Variants in CHRNE observed in about 807,000 individuals in gnomAD.
CHRNE encodes the protein acetylcholine receptor subunit epsilon.
CHRNE carries 58 observed loss-of-function variants against 56.5 expected under a neutral mutation model. The ratio of observed to expected loss-of-function variants is 1.03; its 90% confidence interval spans 0.83 to 1.28. CHRNE has a LOEUF of 1.28. Among genes scored for constraint, CHRNE ranks in the 50% most tolerant of loss-of-function variants. The probability of loss-of-function intolerance (pLI) is 0.00; values close to 1 mark genes in which losing one functional copy is unlikely to be tolerated. For missense variants in CHRNE, 793 were observed against 688.9 expected (o/e 1.15, Z -1.69); for synonymous variants, 385 against 297.9 (o/e 1.29, Z -3.01).
At position 4,901,202 on chromosome 17, in the gene CHRNE, G is replaced by A. The variant is rs767412498; in HGVS notation, c.602-12C>T. ...CCACTCGCCGTTCTCTGCGGGACGG[G>A]GGCACGGTCAGCTGGCTGTCAGAGC... On this transcript the variant is annotated splice_polypyrimidine_tract_variant and intron_variant, in intron 6 of 11. Transcript: ENST00000649488. 5 of 1,599,278 alleles carry A rather than the reference G, an allele frequency of 3.1e-6. No individual in the cohort carries two copies. The highest frequency in any genetic ancestry group is 1.7e-4 in the Middle Eastern group (1 of 6,052).
intron 9 of CHRNE, 21 bp from the exon 10 acceptor site, chr17:4,899,405 A>AG (rs34440658): frequency 6.5e-7 from 1 of 1,538,198 alleles, no homozygotes; most frequent in South Asian, 1.2e-5. Context: ...GGCGGGGCTT[A>AG]GGGGACGAGG....
chr17:4,902,543 G>A lies in CHRNE; in HGVS notation c.190-49C>T. ...TTGAAGTGAGATTTCAGGGCCAGAA[G>A]TGAGCTTTAGGACAGAGCTCAGCGG... On this transcript the variant is annotated intron_variant, in intron 2 of 11. Coordinates refer to ENST00000649488, the MANE Select transcript of CHRNE (RefSeq NM_000080.4). This position sits in a 1 kb window ranked among gnomAD's most constrained non-coding sequence, Gnocchi z 4.0. The A allele has an allele frequency of 6.2e-7, 1 of 1,614,078 alleles. No homozygotes were observed. Among genetic ancestry groups the A allele is most frequent in the African/African-American group, 1.3e-5 (1 of 75,056 alleles).
In CHRNE at chr17:4,898,848, ATGT is replaced by A. The variant is rs748289906; in HGVS notation, c.1367_1369del (p.Asn456del). 4 of 1,593,622 alleles carry A rather than the reference ATGT, an allele frequency of 2.5e-6. No individual in the cohort carries two copies. The highest frequency in any genetic ancestry group is 1.1e-5 in the South Asian group (1 of 88,030). ...GAGCACCAGAGCGGCCCAGAAGCAG[ATGT>A]TGTCAAGGGCATTCCCCATGCGCAC... On this transcript the variant is annotated inframe_deletion, in exon 12 of 12. Coordinates refer to ENST00000649488, the MANE Select transcript of CHRNE (RefSeq NM_000080.4).
Position 4,899,112 on chromosome 17 carries a change from C to T in CHRNE, c.1220-5G>A, listed in dbSNP as rs188564977. The T allele has an allele frequency of 5.5e-4, 888 of 1,606,098 alleles. 3 individuals carry two copies. The African/African-American group carries it at 8.8e-3, about 16-fold the overall frequency. Reference sequence around the variant, plus strand: ...CCAGGCTCTGGCAGAAGGCAGCTGGCGGGGAAAACACCGGGGTGGGCCTTA... The same window carrying T: ...CCAGGCTCTGGCAGAAGGCAGCTGGTGGGGAAAACACCGGGGTGGGCCTTA... On this transcript the variant is annotated splice_polypyrimidine_tract_variant and splice_region_variant and intron_variant, in intron 10 of 11. Transcript: ENST00000649488.
At chr17:4,904,078 C>T (rs1461454295), upstream of CHRNE, among the ~76,000 whole-genome samples, 2 of 152,126 alleles carry the variant, frequency 1.3e-5, no homozygotes, top group African/African-American at 2.4e-5. Flanking sequence ...AGGATGGTCT[C>T]GATCTCCTGA....
At position 4,901,142 on chromosome 17, in the gene CHRNE, T is replaced by TGGC. The variant is rs764709459; in HGVS notation, c.647_649dup (p.Arg216dup). ...TGGGCCGTCGGTGGCGCCACCGTGG[T>TGGC]GGCGGCGGATCACCCCCGGGCAGAA... On this transcript the variant is annotated inframe_insertion, in exon 7 of 12. Coordinates refer to ENST00000649488, the MANE Select transcript of CHRNE (RefSeq NM_000080.4). 7.4e-6 allele frequency: 12 copies of TGGC among 1,611,296 alleles called. No homozygotes were observed. The highest frequency in any genetic ancestry group is 6.7e-5 in the African/African-American group (5 of 74,852).
intron 8 of CHRNE, 108 bp from the exon 9 acceptor site, chr17:4,899,690 C>T: frequency 4.8e-6 from 7 of 1,468,638 alleles, no homozygotes; most frequent in Non-Finnish European, 6.5e-6. Context: ...TGGTTACGCC[C>T]TCCAGCTGCG....
chr17:4,901,892 C>CCA (rs1555546939), intron 5 of CHRNE, 40 bp downstream of exon 5: 5 of 1,606,672 alleles, frequency 3.1e-6, no homozygotes, highest in South Asian at 1.1e-5. Context: ...AGGCCCCCCC[C>CCA]CAACAATAAT....
chr17:4,899,084 C>G lies in CHRNE; in HGVS notation c.1243G>C (p.Ala415Pro). Residue 415 changes from alanine (A) to proline (P), a missense_variant, in exon 11 of 12, where the codon GCC becomes CCC. By Grantham distance (27) the Ala-to-Pro change is conservative (BLOSUM62 -1). Coordinates refer to ENST00000649488, the MANE Select transcript of CHRNE (RefSeq NM_000080.4). ...WTAAFCQSLG[A>P]AAPEVRCCVD... ...CAGCAGCGGACCTCGGGGGCGGCGG[C>G]GCCCAGGCTCTGGCAGAAGGCAGCT... 6.2e-7 allele frequency: 1 copy of G among 1,609,686 alleles called. No individual in the cohort carries two copies. The highest frequency in any genetic ancestry group is 8.5e-7 in the Non-Finnish European group (1 of 1,179,072).
At chr17:4,901,274 GTC>G (rs1969976637) in intron 6 of CHRNE, 84 bp from the exon 7 acceptor site, 1 of 1,471,552 alleles carries the variant, frequency 6.8e-7, no homozygotes, top group African/African-American at 1.4e-5. Context: ...GGCTGCGGCT[GTC>G]TGCACCAGGG....
At position 4,901,888 on chromosome 17, in the gene CHRNE, C is replaced by A. The variant is rs772147163; in HGVS notation, c.500+44G>T. ...CGGTTGGCCCCGCCCCATAAGGCCC[C>A]CCCCCAACAATAATCGTCCGGGCCT... On this transcript the variant is annotated intron_variant, in intron 5 of 11. Transcript: ENST00000649488. The A allele has an allele frequency of 2.4e-5, 39 of 1,597,830 alleles. No homozygotes were observed. In the African/African-American group the frequency reaches 5.2e-4, roughly 21 times the overall value.
In CHRNE at chr17:4,898,812, C is replaced by G. The variant is rs1346830083; in HGVS notation, c.1406G>C (p.Gly469Ala). The change falls in exon 12 of 12, where the codon GGC (glycine) becomes GCC (alanine). Residue 469 changes from glycine to alanine, a missense_variant. Physicochemically the swap from Gly to Ala is moderately conservative, Grantham distance 60. Coordinates refer to ENST00000649488, the MANE Select transcript of CHRNE (RefSeq NM_000080.4). ...GGCCCCGAGGAAGATGAGGCTGGAG[C>G]CCACGCTGAAGAGCACCAGAGCGGC... The part of the protein sequence containing the change: ...FWAALVLFSV[G>A]SSLIFLGAYF... 4 of 1,604,610 alleles carry G rather than the reference C, an allele frequency of 2.5e-6. No individual in the cohort carries two copies. The highest frequency in any genetic ancestry group is 2.2e-5 in the East Asian group (1 of 44,580).
chr17:4,901,684 G>C (rs962190585), intron 5 of CHRNE, 59 bp from the exon 6 acceptor site: 1 of 1,523,306 alleles, frequency 6.6e-7, no homozygotes, highest in Admixed American at 1.7e-5. Flanking sequence ...CCGGCCTCAG[G>C]CCCAGCCCTG....
At chr17:4,905,475 G>A (rs964915451), upstream of CHRNE, among the ~76,000 whole-genome samples, 28 of 152,142 alleles carry the variant, frequency 1.8e-4, no homozygotes, top group Admixed American at 1.6e-3. Context: ...TGAGGCGGGA[G>A]GATTGCTTGA....
upstream of CHRNE, among the ~76,000 whole-genome samples, chr17:4,907,164 G>A (rs1970100683): frequency 6.6e-6 from 1 of 151,492 alleles, no homozygotes; most frequent in African/African-American, 2.4e-5. Context: ...TAATTTCATT[G>A]TACATGTTAA....
chr17:4,901,545 A>T lies in CHRNE; in HGVS notation c.581T>A (p.Ile194Asn). ...TTCACCAGTATAGGCCTCTGTGTCG[A>T]TGTCGATCTTGTTGATGGTCTTGCC... is the stretch of plus-strand genomic sequence containing the variant. ...NDGKTINKID[I>N]DTEAYTENGE... The change falls in exon 6 of 12, where the codon ATC (isoleucine) becomes AAC (asparagine). Residue 194 changes from isoleucine (I) to asparagine (N), a missense_variant. Coordinates refer to ENST00000649488, the MANE Select transcript of CHRNE (RefSeq NM_000080.4). 6.2e-7 allele frequency: 1 copy of T among 1,614,082 alleles called. No individual in the cohort carries two copies. The highest frequency in any genetic ancestry group is 8.5e-7 in the Non-Finnish European group (1 of 1,179,976).
At position 4,898,635 on chromosome 17, in the gene CHRNE, A is replaced by G; in HGVS notation, c.*101T>C. The G allele has an allele frequency of 6.9e-7, 1 of 1,458,338 alleles. No individual in the cohort carries two copies. Among genetic ancestry groups the G allele is most frequent in the African/African-American group, 1.4e-5 (1 of 71,590 alleles). 90.3% of individuals were successfully genotyped at this position (1,458,338 alleles called of 1,614,324 possible). ...TGTGAAGTTCACAAACTGCAGATTGATCAGCAGGGGGAAGGGATCATAATG... is the reference window on the plus strand; with the variant it reads ...TGTGAAGTTCACAAACTGCAGATTGGTCAGCAGGGGGAAGGGATCATAATG... On this transcript the variant is annotated 3_prime_UTR_variant, in exon 12 of 12. Transcript: ENST00000649488.
chr17:4,899,771 G>C lies in CHRNE; in HGVS notation c.918-189C>G, dbSNP rs539314116. 56 of 1,551,212 alleles carry C rather than the reference G, an allele frequency of 3.6e-5. No homozygotes were observed. The East Asian group carries it at 1.4e-3, about 38-fold the overall frequency. ...TACCACTTGTGGCGGCCATGAAGGG[G>C]ACCCCCAGCTCCCTGGACACCCTGA... On this transcript the variant is annotated intron_variant, in intron 8 of 11. Coordinates refer to ENST00000649488, the MANE Select transcript of CHRNE (RefSeq NM_000080.4).
Position 4,902,277 on chromosome 17 carries a change from A to G in CHRNE, c.284T>C (p.Ile95Thr), listed in dbSNP as rs761907094. 6.2e-6 allele frequency: 10 copies of G among 1,614,118 alleles called. No homozygotes were observed. The highest frequency in any genetic ancestry group is 8.5e-6 in the Non-Finnish European group (10 of 1,180,014). Residue 95 changes from isoleucine to threonine, a missense_variant, in exon 4 of 12, where the codon ATA becomes ACA. Physicochemically the swap from Ile to Thr is moderately conservative, Grantham distance 89. Coordinates refer to ENST00000649488, the MANE Select transcript of CHRNE (RefSeq NM_000080.4). The surrounding 1 kb of genome is among the most constrained non-coding windows in gnomAD (Gnocchi z 4.0). ...TTCTGAAGGGACTCGCAGGGTTTCT[A>G]TACCCCCAAAGTCGTCCTTGCTGTA... ...LNYSKDDFGG[I>T]ETLRVPSELV...
Sources: allele counts gnomAD v4.1 joint callset (sites outside exome capture counted in the v4.1 genomes callset), GRCh38; gene constraint gnomAD v4.1.1; non-coding constraint Gnocchi (gnomAD v3.1); transcripts MANE v1.5; gene names NCBI Gene and HGNC (gene_info 2026-07-23, HGNC 2026-07-21).